The following FHOD3 variants were observed in gnomAD, a reference collection of about 807,000 sequenced individuals.
The protein encoded by FHOD3 is formin homology 2 domain containing 3.
In FHOD3, 90 loss-of-function variants were observed where a neutral mutation model predicts 173.0. That is an observed-to-expected ratio of 0.52 (90% CI 0.44 to 0.62). FHOD3 has a LOEUF of 0.62. Among genes scored for constraint, FHOD3 ranks in the 20% least tolerant of loss-of-function variants. The pLI is 0.00. For missense variants in FHOD3, 1,945 were observed against 2,034.7 expected (o/e 0.96, Z 0.85); for synonymous variants, 828 against 823.0 (o/e 1.01, Z -0.10).
intron 13 of FHOD3, 125 bp from the exon 14 acceptor site, chr18:36,657,950 A>T (rs1246070866): frequency 7.8e-6 from 5 of 644,362 alleles, no homozygotes; most frequent in Non-Finnish European, 1.1e-5. Context: ...ATTACCACTA[A>T]CAGTGGTAGC....
At chr18:36,604,500 T>C (rs1449206899) in intron 8 of FHOD3, among the ~76,000 whole-genome samples, 1 of 152,172 alleles carries the variant, frequency 6.6e-6, no homozygotes, top group South Asian at 2.1e-4. Context: ...ATAGAACAAC[T>C]CACTGTACAG....
At chr18:36,639,684 G>A (rs531667125) in intron 10 of FHOD3, among the ~76,000 whole-genome samples, 3 of 151,444 alleles carry the variant, frequency 2.0e-5, no homozygotes, top group Non-Finnish European at 4.4e-5. Flanking sequence ...AAAGCTGGGC[G>A]TGGTGGTGGG....
intron 5 of FHOD3, among the ~76,000 whole-genome samples, chr18:36,557,180 T>G (rs1396190065): frequency 6.6e-6 from 1 of 152,186 alleles, no homozygotes; most frequent in Non-Finnish European, 1.5e-5. Flanking sequence ...TCCTCTTGGA[T>G]CTGTTGGTTT....
At chr18:36,735,745 C>T (rs1302929200) in intron 20 of FHOD3, among the ~76,000 whole-genome samples, 1 of 152,166 alleles carries the variant, frequency 6.6e-6, no homozygotes, top group Non-Finnish European at 1.5e-5. Context: ...GCCCTCAGGG[C>T]TTCAACTTTC....
chr18:36,342,077 CA>C (rs1256316492), intron 1 of FHOD3, among the ~76,000 whole-genome samples: 5 of 151,542 alleles, frequency 3.3e-5, no homozygotes, highest in Non-Finnish European at 5.9e-5. Context: ...ATGACAAATA[CA>C]AAAAAAGTAT....
intron 6 of FHOD3, among the ~76,000 whole-genome samples, chr18:36,586,315 G>A (rs553206569): frequency 2.0e-5 from 3 of 152,302 alleles, no homozygotes; most frequent in East Asian, 3.9e-4. Flanking sequence ...CTTAGAATGT[G>A]AAGTTTTGTA....
intron 27 of FHOD3, among the ~76,000 whole-genome samples, chr18:36,766,393 A>G (rs921617246): frequency 3.9e-5 from 6 of 152,234 alleles, no homozygotes; most frequent in African/African-American, 1.4e-4. Flanking sequence ...TTAGAAAAAT[A>G]AAAGTAAAGT....
intron 1 of FHOD3, among the ~76,000 whole-genome samples, chr18:36,300,076 C>G (rs2091919901): frequency 6.6e-6 from 1 of 152,162 alleles, no homozygotes; most frequent in African/African-American, 2.4e-5. Flanking sequence ...GTATGCCCCA[C>G]CCAGGCTCTG....
chr18:36,354,018 G>A (rs2046249096), intron 1 of FHOD3, among the ~76,000 whole-genome samples: 1 of 152,182 alleles, frequency 6.6e-6, no homozygotes, highest in Non-Finnish European at 1.5e-5. Flanking sequence ...CCTGTTGGGG[G>A]CCTTCTTCAC....
chr18:36,317,304 C>G (rs1350528363), intron 1 of FHOD3, among the ~76,000 whole-genome samples: 1 of 152,232 alleles, frequency 6.6e-6, no homozygotes, highest in Non-Finnish European at 1.5e-5. Context: ...GCCACACTGT[C>G]TTCCACAATG....
At chr18:36,526,837 G>A (rs1188836035) in intron 5 of FHOD3, among the ~76,000 whole-genome samples, 2 of 152,224 alleles carry the variant, frequency 1.3e-5, no homozygotes, top group African/African-American at 4.8e-5. Context: ...AAGTATCTAG[G>A]CATTATCAGG....
chr18:36,412,281 C>G (rs2049395182), intron 3 of FHOD3, among the ~76,000 whole-genome samples: 2 of 152,170 alleles, frequency 1.3e-5, no homozygotes, highest in Admixed American at 6.5e-5. Flanking sequence ...ATGTTCACAT[C>G]TGCACTTGGA....
chr18:36,625,774 A>T, intron 10 of FHOD3, 25 bp downstream of exon 10: 1 of 1,566,188 alleles, frequency 6.4e-7, no homozygotes. Context: ...GGCAGTGGAG[A>T]GGGGTGCAAG....
At chr18:36,663,731 C>T (rs1233300791) in intron 14 of FHOD3, among the ~76,000 whole-genome samples, 1 of 152,242 alleles carries the variant, frequency 6.6e-6, no homozygotes, top group Non-Finnish European at 1.5e-5. Context: ...GTTTCTGTTT[C>T]CATGCATTTC....
At chr18:36,662,736 C>A (rs1167546588) in intron 14 of FHOD3, among the ~76,000 whole-genome samples, 1 of 152,148 alleles carries the variant, frequency 6.6e-6, no homozygotes, top group Non-Finnish European at 1.5e-5. Context: ...ATGAGATCTA[C>A]CCTCTTAACA....
chr18:36,345,749 AATAAAG>A (rs1246462091), intron 1 of FHOD3, among the ~76,000 whole-genome samples: 2 of 152,258 alleles, frequency 1.3e-5, no homozygotes, highest in South Asian at 2.1e-4. Flanking sequence ...AGAAGAAAAT[AATAAAG>A]ATAAGAATAG....
At chr18:36,584,699 G>A (rs939387293) in intron 6 of FHOD3, among the ~76,000 whole-genome samples, 4 of 152,104 alleles carry the variant, frequency 2.6e-5, no homozygotes, top group South Asian at 2.1e-4. Flanking sequence ...CCCAGCTATC[G>A]GGAGGCTGAG....
chr18:36,306,612 C>T (rs1015317296), intron 1 of FHOD3, among the ~76,000 whole-genome samples: 13 of 152,244 alleles, frequency 8.5e-5, no homozygotes, highest in African/African-American at 3.1e-4. Context: ...CCTTAGCCCT[C>T]TTGCCATTCA....
At chr18:36,445,159 T>G (rs2051395586) in intron 3 of FHOD3, among the ~76,000 whole-genome samples, 1 of 152,208 alleles carries the variant, frequency 6.6e-6, no homozygotes, top group Non-Finnish European at 1.5e-5. Context: ...CTTCACTTAC[T>G]GCTTTTTCCT....
Sources: gnomAD v4.1 joint callset for allele counts (sites outside exome capture counted in the v4.1 genomes callset) on GRCh38, gnomAD v4.1.1 for gene constraint, MANE v1.5 for transcripts, NCBI Gene and HGNC (gene_info 2026-07-23, HGNC 2026-07-21) for gene names.